WRN: variants seen among roughly 807,000 people sequenced by gnomAD.
WRN encodes the protein bifunctional 3'-5' exonuclease/ATP-dependent helicase WRN.
Under a neutral mutation model 180.7 loss-of-function variants are expected in WRN, and 149 were observed. That is an observed-to-expected ratio of 0.82 (90% CI 0.72 to 0.94). WRN has a LOEUF of 0.94. Ranked by LOEUF, WRN falls within the 40% of genes least tolerant of loss-of-function variation. The pLI is 0.00. For missense variants in WRN, 1,661 were observed against 1,700.1 expected, an observed-to-expected ratio of 0.98 and a Z score of 0.40; for synonymous variants, 548 against 568.9, an observed-to-expected ratio of 0.96 and a Z score of 0.52.
In WRN at chr8:31,147,100, T is replaced by C. The variant is rs1361927185; in HGVS notation, c.3431T>C (p.Val1144Ala). ...PEKAYSSSQPVISAQEQETQI... is the reference protein window; with the variant it reads ...PEKAYSSSQPAISAQEQETQI... ...AAAGCTTACAGTTCCTCACAGCCTG[T>C]TATTTCGGCACAAGAGCAGGAGACT... Residue 1144 changes from valine (V) to alanine (A), a missense_variant, in exon 29 of 35, where the codon GTT becomes GCT. By Grantham distance (64) the Val-to-Ala change is moderately conservative. Transcript: ENST00000298139. The C allele has an allele frequency of 9.3e-6, 15 of 1,613,926 alleles. No homozygotes were observed. The highest frequency in any genetic ancestry group is 1.3e-5 in the Non-Finnish European group (15 of 1,179,870).
At chr8:31,074,435 A>AT (rs1315785946) in intron 7 of WRN, among the ~76,000 whole-genome samples, 1 of 152,032 alleles carries the variant, frequency 6.6e-6, no homozygotes, top group African/African-American at 2.4e-5. Flanking sequence ...TTATTATTTC[A>AT]TTTTTCTTAG....
chr8:31,082,972 G>A (rs1404473202), intron 9 of WRN, among the ~76,000 whole-genome samples: 3 of 152,150 alleles, frequency 2.0e-5, no homozygotes, highest in South Asian at 2.1e-4. Context: ...CTAGTACAAA[G>A]CTTATTTTCA....
chr8:31,139,471 A>C (rs559953365), intron 24 of WRN, among the ~76,000 whole-genome samples: 1 of 152,182 alleles, frequency 6.6e-6, no homozygotes, highest in Admixed American at 6.5e-5. Flanking sequence ...TCCACTGCAA[A>C]ATAGTTCACC....
chr8:31,060,212 T>C (rs1360401121), intron 3 of WRN, among the ~76,000 whole-genome samples: 2 of 152,178 alleles, frequency 1.3e-5, no homozygotes. Flanking sequence ...TTCATTCAGA[T>C]ATTTTCCGAG....
At chr8:31,134,038 C>T (rs547356839) in intron 24 of WRN, among the ~76,000 whole-genome samples, 2 of 152,266 alleles carry the variant, frequency 1.3e-5, no homozygotes, top group South Asian at 4.1e-4. Context: ...ATTAAGAAGT[C>T]TATCCTTTGT....
intron 18 of WRN, among the ~76,000 whole-genome samples, chr8:31,101,654 G>T (rs1317579414): frequency 6.6e-6 from 1 of 151,766 alleles, no homozygotes; most frequent in East Asian, 1.9e-4. Context: ...GGGCGTGGTG[G>T]CAGGTGCCTG....
At chr8:31,096,886 T>A in intron 17 of WRN, 36 bp downstream of exon 17, 1 of 1,555,498 alleles carries the variant, frequency 6.4e-7, no homozygotes, top group Non-Finnish European at 8.9e-7. Flanking sequence ...AAATACTTAC[T>A]GAGTTAATAT....
chr8:31,080,623 A>C (rs531169291), intron 8 of WRN, among the ~76,000 whole-genome samples: 15 of 152,206 alleles, frequency 9.9e-5, no homozygotes, highest in Admixed American at 6.5e-5. Context: ...ATTTGGGACC[A>C]AGCACTACTG....
chr8:31,101,285 G>A lies in WRN; in HGVS notation c.2088+330G>A, dbSNP rs1027478723. On this transcript the variant is annotated intron_variant, in intron 18 of 34. Transcript: ENST00000298139. ...ATAAAGAGTTACATTTTTCACTGGT[G>A]GGCCATAACAAAACAGGCTGTGGGC... 4.6e-5 allele frequency among the ~76,000 whole-genome samples: 7 copies of A among 151,856 alleles called. No individual in the cohort carries two copies. In the South Asian group the frequency reaches 1.5e-3, roughly 32 times the overall value.
At chr8:31,141,140 CA>C (rs1263169827) in intron 24 of WRN, among the ~76,000 whole-genome samples, 3 of 133,300 alleles carry the variant, frequency 2.3e-5, no homozygotes, top group Non-Finnish European at 3.4e-5. Context: ...GTCTAAATAA[CA>C]AAAGCTAAGT....
chr8:31,096,789 C>T lies in WRN; in HGVS notation c.1920C>T (p.Tyr640=), dbSNP rs765756226. The T allele has an allele frequency of 3.3e-5, 53 of 1,604,584 alleles. No homozygotes were observed. The highest frequency in any genetic ancestry group is 5.5e-5 in the South Asian group (5 of 90,912). The change falls in exon 17 of 35, where the codon TAC becomes TAT. Residue 640 remains tyrosine (Y), a synonymous_variant. Transcript: ENST00000298139. ...DIKLGKYRIV[Y]VTPEYCSGNM... ...ACAGAGGTAAATACCGGATTGTATA[C>T]GTAACTCCAGAATACTGTTCAGGTA...
At position 31,173,473 on chromosome 8, in the gene WRN, A is replaced by G. The variant is rs147191291; in HGVS notation, c.*371A>G. On this transcript the variant is annotated 3_prime_UTR_variant, in exon 35 of 35. Coordinates refer to ENST00000298139, the MANE Select transcript of WRN (RefSeq NM_000553.6). ...TTACATGGTAATTATGTGATATAAA[A>G]TATTCATATATTATCAAAATTCTGT... 1.3e-4 allele frequency: 26 copies of G among 204,782 alleles called. No individual in the cohort carries two copies. Among genetic ancestry groups the G allele is most frequent in the African/African-American group, 5.5e-4 (24 of 43,380 alleles). 12.7% of individuals were successfully genotyped at this position (204,782 alleles called of 1,614,324 possible).
intron 18 of WRN, among the ~76,000 whole-genome samples, chr8:31,110,248 CTT>C (rs1243078283): frequency 6.6e-6 from 1 of 152,144 alleles, no homozygotes; most frequent in Non-Finnish European, 1.5e-5. Context: ...AAACCAACCT[CTT>C]TATAGATTAG....
intron 30 of WRN, among the ~76,000 whole-genome samples, chr8:31,147,777 A>G (rs1003132356): frequency 6.6e-6 from 1 of 152,026 alleles, no homozygotes; most frequent in African/African-American, 2.4e-5. Context: ...ATTTTTGATT[A>G]TCTTACCATC....
At chr8:31,103,866 C>G (rs1800979652) in intron 18 of WRN, among the ~76,000 whole-genome samples, 1 of 151,928 alleles carries the variant, frequency 6.6e-6, no homozygotes, top group South Asian at 2.1e-4. Context: ...TCCCGAGTAG[C>G]TGAGACTACA....
In WRN at chr8:31,150,456, G is replaced by T; in HGVS notation, c.3687+1G>T. On this transcript the variant is annotated splice_donor_variant, in intron 31 of 34. Coordinates refer to ENST00000298139, the MANE Select transcript of WRN (RefSeq NM_000553.6). LOFTEE classifies it high-confidence loss of function. ...TTTCTGCCAAACAAATAGTGTTCAGGTAAAATACTGTGGTTTGCAGGAGCT... is the reference window on the plus strand; with the variant it reads ...TTTCTGCCAAACAAATAGTGTTCAGTTAAAATACTGTGGTTTGCAGGAGCT... The T allele has an allele frequency of 6.2e-7, 1 of 1,613,682 alleles. No individual in the cohort carries two copies. The highest frequency in any genetic ancestry group is 1.3e-5 in the African/African-American group (1 of 75,046).
intron 11 of WRN, among the ~76,000 whole-genome samples, chr8:31,086,799 G>C (rs1049757485): frequency 2.0e-5 from 3 of 152,128 alleles, no homozygotes; most frequent in Non-Finnish European, 4.4e-5. Context: ...AGTAAAACTA[G>C]AACATAAATA....
chr8:31,120,529 G>T, intron 21 of WRN, 105 bp downstream of exon 21: 36 of 976,234 alleles, frequency 3.7e-5, no homozygotes, highest in Non-Finnish European at 4.7e-5. Flanking sequence ...TAATTTGTGA[G>T]TGCATTTAAA....
chr8:31,104,655 C>A (rs1293326401), intron 18 of WRN, among the ~76,000 whole-genome samples: 1 of 152,114 alleles, frequency 6.6e-6, no homozygotes, highest in Non-Finnish European at 1.5e-5. Flanking sequence ...AGTCTGTGAT[C>A]CATTTTGAGT....
Sources: allele counts gnomAD v4.1 joint callset (sites outside exome capture counted in the v4.1 genomes callset), GRCh38; gene constraint gnomAD v4.1.1; transcripts MANE v1.5; gene names NCBI Gene and HGNC (gene_info 2026-07-23, HGNC 2026-07-21).